SLC44A5: variants seen among roughly 807,000 people sequenced by gnomAD.
SLC44A5 encodes solute carrier family 44 member 5.
A neutral mutation model predicts 101.8 loss-of-function variants in SLC44A5; 57 were observed. The ratio of observed to expected loss-of-function variants is 0.56; its 90% CI spans 0.45 to 0.70. The LOEUF (loss-of-function observed/expected upper bound fraction) is 0.70. Among genes scored for constraint, SLC44A5 ranks in the 30% least tolerant of loss-of-function variants. The pLI, the probability that SLC44A5 is intolerant of heterozygous loss-of-function variation, is 0.00. For synonymous variants in SLC44A5, 281 were observed against 290.9 expected (o/e 0.97, Z 0.35); for missense variants, 737 against 853.1 (o/e 0.86, Z 1.70).
At chr1:75,300,570 A>G in intron 5 of SLC44A5, 42 bp downstream of exon 5, 1 of 1,312,192 alleles carries the variant, frequency 7.6e-7, no homozygotes, top group Non-Finnish European at 1.1e-6. Context: ...TAGTTATTCC[A>G]TTAGCAAGTG....
upstream of SLC44A5, chr1:75,616,021 G>A (rs1028864064): frequency 1.2e-5 from 5 of 415,136 alleles, no homozygotes; most frequent in East Asian, 8.0e-4. Context: ...AGCAGCAGCG[G>A]CGGCCGGGCT....
intron 1 of SLC44A5, among the ~76,000 whole-genome samples, chr1:75,602,511 TTAA>T (rs1350430384): frequency 2.0e-5 from 3 of 152,120 alleles, no homozygotes; most frequent in African/African-American, 7.2e-5. Context: ...CCTCATACAG[TTAA>T]GATATCCCTG....
intron 2 of SLC44A5, among the ~76,000 whole-genome samples, chr1:75,492,921 T>A (rs147218312): frequency 6.6e-6 from 1 of 152,322 alleles, no homozygotes; most frequent in East Asian, 1.9e-4. Flanking sequence ...TGTCCAAAGT[T>A]GGAACAAAAA....
intron 4 of SLC44A5, among the ~76,000 whole-genome samples, chr1:75,302,961 T>C (rs1464227171): frequency 2.0e-5 from 3 of 152,252 alleles, no homozygotes; most frequent in Non-Finnish European, 4.4e-5. Flanking sequence ...TTTATTTCTA[T>C]AATTTTCTAT....
chr1:75,374,723 G>C (rs1356737393), intron 3 of SLC44A5, among the ~76,000 whole-genome samples: 1 of 152,122 alleles, frequency 6.6e-6, no homozygotes, highest in East Asian at 1.9e-4. Context: ...TCAATGCCTG[G>C]AGACCCATGC....
intron 12 of SLC44A5, among the ~76,000 whole-genome samples, chr1:75,233,355 C>A (rs985687888): frequency 1.3e-5 from 2 of 152,108 alleles, no homozygotes; most frequent in Admixed American, 1.3e-4. Flanking sequence ...TTCCAGTCGT[C>A]AACCCTTCCA....
chr1:75,494,372 C>A (rs568699453), intron 2 of SLC44A5, among the ~76,000 whole-genome samples: 169 of 152,262 alleles, frequency 1.1e-3, no homozygotes, highest in Non-Finnish European at 1.9e-3. Context: ...CCTGGAAGAA[C>A]CTGGACCACA....
At chr1:75,365,757 A>G (rs1284798057) in intron 3 of SLC44A5, among the ~76,000 whole-genome samples, 1 of 152,172 alleles carries the variant, frequency 6.6e-6, no homozygotes, top group African/African-American at 2.4e-5. Context: ...AATATTTTCT[A>G]GCAGTATACT....
chr1:75,373,903 T>A (rs1185512253), intron 3 of SLC44A5, among the ~76,000 whole-genome samples: 1 of 152,088 alleles, frequency 6.6e-6, no homozygotes, highest in Non-Finnish European at 1.5e-5. Flanking sequence ...CAAGCTGAGA[T>A]CTGTGGCCTG....
chr1:75,258,734 G>A (rs1179552571), intron 6 of SLC44A5, among the ~76,000 whole-genome samples: 1 of 152,108 alleles, frequency 6.6e-6, no homozygotes, highest in Non-Finnish European at 1.5e-5. Context: ...TTGACTGGGA[G>A]ACACCTCCCA....
the SLC44A5 span, among the ~76,000 whole-genome samples, chr1:75,659,627 CAA>C: frequency 0.036 from 3,597 of 98,748 alleles, 256 homozygotes; most frequent in African/African-American, 0.12. Flanking sequence ...CCATCTCTAC[CAA>C]AAAAAAAAAA....
chr1:75,702,878 A>C, the SLC44A5 span, among the ~76,000 whole-genome samples: 2 of 152,218 alleles, frequency 1.3e-5, no homozygotes, highest in African/African-American at 4.8e-5. Flanking sequence ...TCAAAAGAAG[A>C]CATTTATGCA....
At chr1:75,705,676 T>TTTTG in the SLC44A5 span, among the ~76,000 whole-genome samples, 1,338 of 152,210 alleles carry the variant, frequency 8.8e-3, 17 homozygotes, top group South Asian at 0.048. Flanking sequence ...CCAGCTGTGT[T>TTTTG]TTTGTTTGTT....
At chr1:75,429,593 C>T (rs1162778449) in intron 2 of SLC44A5, among the ~76,000 whole-genome samples, 1 of 152,156 alleles carries the variant, frequency 6.6e-6, no homozygotes. Context: ...TATTTTGGCT[C>T]ACAGCTCTGC....
the SLC44A5 span, among the ~76,000 whole-genome samples, chr1:75,700,514 G>C: frequency 2.0e-5 from 3 of 152,218 alleles, no homozygotes; most frequent in African/African-American, 2.4e-5. Flanking sequence ...GCAGTGTGTA[G>C]AGGGAAATTT....
chr1:75,703,642 C>T, the SLC44A5 span, among the ~76,000 whole-genome samples: 1 of 142,448 alleles, frequency 7.0e-6, no homozygotes, highest in African/African-American at 2.7e-5. Context: ...GCTCATGTAC[C>T]CTAAAACTTA....
chr1:75,498,613 A>C lies in SLC44A5; in HGVS notation c.13+42822T>G, dbSNP rs545014407. Reference sequence around the variant, plus strand: ...TCTTCAAAAATATTTTCTATTTAATAATACAATGAAAGCTATGCAGTCTTT... The same window carrying C: ...TCTTCAAAAATATTTTCTATTTAATCATACAATGAAAGCTATGCAGTCTTT... On this transcript the variant is annotated intron_variant, in intron 2 of 23. Transcript: ENST00000370859. Among the ~76,000 whole-genome samples, 4 of 152,284 alleles carry C rather than the reference A, an allele frequency of 2.6e-5. No individual in the cohort carries two copies. The East Asian group carries it at 7.7e-4, about 29-fold the overall frequency.
chr1:75,598,742 T>C (rs1394616183), intron 1 of SLC44A5, among the ~76,000 whole-genome samples: 10 of 151,880 alleles, frequency 6.6e-5, no homozygotes, highest in Non-Finnish European at 1.2e-4. Context: ...CATGGACACA[T>C]AGAGGGAAAC....
At chr1:75,358,806 G>A (rs1466793604) in intron 3 of SLC44A5, among the ~76,000 whole-genome samples, 1 of 152,126 alleles carries the variant, frequency 6.6e-6, no homozygotes, top group African/African-American at 2.4e-5. Context: ...ATTCAATCAA[G>A]CTGATAAACA....
Sources: gnomAD v4.1 joint callset for allele counts (sites outside exome capture counted in the v4.1 genomes callset) on GRCh38, gnomAD v4.1.1 for gene constraint, MANE v1.5 for transcripts, NCBI Gene and HGNC (gene_info 2026-07-23, HGNC 2026-07-21) for gene names.